The following SYNE1 variants were observed in gnomAD, a reference collection of about 807,000 sequenced individuals.
SYNE1 encodes spectrin repeat containing nuclear envelope protein 1.
SYNE1 carries 616 observed loss-of-function variants against 1,111.0 expected under a neutral mutation model. The observed-to-expected ratio is 0.55, with a 90% CI of 0.52 to 0.59. The LOEUF (loss-of-function observed/expected upper bound fraction) is 0.59, where lower values mean the gene tolerates loss of function less well. Ranked by LOEUF, SYNE1 falls within the 20% of genes least tolerant of loss-of-function variation. The pLI, the probability that SYNE1 is intolerant of heterozygous loss-of-function variation, is 0.00. For synonymous variants in SYNE1, 3,855 were observed against 3,825.8 expected (o/e 1.01, Z -0.28); for missense variants, 10,006 against 10,417.0 (o/e 0.96, Z 1.72).
Position 152,331,755 on chromosome 6 carries a change from G to C in SYNE1, c.12930C>G (p.Asp4310Glu), listed in dbSNP as rs760209358. 1 of 1,613,978 alleles carries C rather than the reference G, an allele frequency of 6.2e-7. No individual in the cohort carries two copies. The highest frequency in any genetic ancestry group is 1.3e-5 in the African/African-American group (1 of 74,870). Residue 4310 changes from aspartate to glutamate, a missense_variant, in exon 78 of 146, where the codon GAC becomes GAG. Transcript: ENST00000367255. ...TCGTCTGTTCTTTGACTAACTCCTT[G>C]TCATCTAAATTCAGATGCTCTATCA... is the stretch of plus-strand genomic sequence containing the variant. Reference protein sequence around the residue: ...QKMIEHLNLDDKELVKEQTSH... With the variant: ...QKMIEHLNLDEKELVKEQTSH...
chr6:152,533,417 T>C (rs1440089984), intron 4 of SYNE1, among the ~76,000 whole-genome samples: 1 of 152,172 alleles, frequency 6.6e-6, no homozygotes, highest in African/African-American at 2.4e-5. Context: ...TTTGTTTTAC[T>C]ATATAGTATA....
chr6:152,253,731 TG>T (rs1378564602), intron 104 of SYNE1, among the ~76,000 whole-genome samples: 1 of 150,710 alleles, frequency 6.6e-6, no homozygotes, highest in Non-Finnish European at 1.5e-5. Flanking sequence ...GTTTTAAGAA[TG>T]TAGACTACCA....
Position 152,262,980 on chromosome 6 carries a change from G to T in SYNE1, c.18816-792C>A, listed in dbSNP as rs557600905. On this transcript the variant is annotated intron_variant, in intron 100 of 145. Transcript: ENST00000367255. ...GGGAAGGTGATACAGGACATGGAGGGGTAATACAGGGTCTGGGAAGGTAGT... is the reference window on the plus strand; with the variant it reads ...GGGAAGGTGATACAGGACATGGAGGTGTAATACAGGGTCTGGGAAGGTAGT... 1.4e-4 allele frequency among the ~76,000 whole-genome samples: 21 copies of T among 149,894 alleles called. 1 individual carries two copies. The South Asian group carries it at 3.4e-3, about 24-fold the overall frequency.
rs763357839 is a variant in SYNE1, at chr6:152,330,629, A to G, written c.14056T>C (p.Ser4686Pro). 3 of 1,613,560 alleles carry G rather than the reference A, an allele frequency of 1.9e-6. No homozygotes were observed. In the Admixed American group the frequency reaches 5.0e-5, roughly 27 times the overall value. The change falls in exon 78 of 146, where the codon TCT becomes CCT. Residue 4686 changes from serine to proline, a missense_variant. By Grantham distance (74) the Ser-to-Pro change is moderately conservative (BLOSUM62 -1). Transcript: ENST00000367255. ...YASLIELTTQ[S>P]LSELEAQFLR... ...AATTGGGCTTCAAGTTCACTCAGAG[A>G]CTGGGTTGTCAACTCAATCAAGGAA...
At chr6:152,312,023 A>C (rs915134406) in intron 87 of SYNE1, among the ~76,000 whole-genome samples, 1 of 152,148 alleles carries the variant, frequency 6.6e-6, no homozygotes, top group African/African-American at 2.4e-5. Flanking sequence ...TGACCTCGTG[A>C]TCCGCAGGCC....
intron 55 of SYNE1, among the ~76,000 whole-genome samples, chr6:152,382,179 A>G (rs1315443736): frequency 6.6e-6 from 1 of 152,208 alleles, no homozygotes; most frequent in Non-Finnish European, 1.5e-5. Context: ...TCTTGGTGAA[A>G]TAATCATCCG....
chr6:152,598,926 G>A (rs2099589361), intron 3 of SYNE1, among the ~76,000 whole-genome samples: 2 of 152,166 alleles, frequency 1.3e-5, no homozygotes, highest in East Asian at 3.8e-4. Context: ...GTCACAGAGA[G>A]AAGCCTAATA....
intron 3 of SYNE1, among the ~76,000 whole-genome samples, chr6:152,551,852 C>A (rs563473505): frequency 6.6e-6 from 1 of 152,176 alleles, no homozygotes; most frequent in African/African-American, 2.4e-5. Context: ...CACACAGAAG[C>A]CTTGAGAAGG....
At chr6:152,399,844 A>G (rs79428643) in intron 47 of SYNE1, 21 bp from the exon 48 acceptor site, 1 of 1,607,484 alleles carries the variant, frequency 6.2e-7, no homozygotes, top group Non-Finnish European at 8.5e-7. Flanking sequence ...AAAGTATATT[A>G]TGAAGGATAT....
chr6:152,378,753 C>T (rs1316611387), intron 56 of SYNE1, among the ~76,000 whole-genome samples: 2 of 152,180 alleles, frequency 1.3e-5, no homozygotes, highest in Non-Finnish European at 2.9e-5. Context: ...TGCCCTCCTT[C>T]CCACCTCTTC....
chr6:152,263,447 C>G (rs2092319692), intron 100 of SYNE1, among the ~76,000 whole-genome samples: 1 of 151,498 alleles, frequency 6.6e-6, no homozygotes, highest in Admixed American at 6.6e-5. Context: ...CTGGTGTGGA[C>G]TCGTGTGATC....
chr6:152,141,149 G>A (rs1393261091), intron 139 of SYNE1, 54 bp downstream of exon 139: 1 of 1,613,112 alleles, frequency 6.2e-7, no homozygotes, highest in Non-Finnish European at 8.5e-7. Flanking sequence ...TGTTAACAAA[G>A]TGCTTCAGGA....
At chr6:152,500,785 T>TA (rs2099025283) in intron 10 of SYNE1, among the ~76,000 whole-genome samples, 1 of 151,610 alleles carries the variant, frequency 6.6e-6, no homozygotes, top group South Asian at 2.1e-4. Flanking sequence ...CCGTCTCCAC[T>TA]AAAAAATACA....
At position 152,465,319 on chromosome 6, in the gene SYNE1, C is replaced by A. The variant is rs775660836; in HGVS notation, c.1871G>T (p.Ser624Ile). 3.7e-6 allele frequency: 6 copies of A among 1,613,430 alleles called. No individual in the cohort carries two copies. Among genetic ancestry groups the A allele is most frequent in the Non-Finnish European group, 3.4e-6 (4 of 1,179,794 alleles). Reference sequence around the variant, plus strand: ...AGCATCCTCTAGCCAGGCTTGCAGACTAGCCACTGTATTGCCATAGCGATC... The same window carrying A: ...AGCATCCTCTAGCCAGGCTTGCAGAATAGCCACTGTATTGCCATAGCGATC... ...NWDRYGNTVA[S>I]LQAWLEDAEK... Residue 624 changes from serine to isoleucine, a missense_variant, in exon 18 of 146, where the codon AGT becomes ATT. Physicochemically the swap from Ser to Ile is moderately radical, Grantham distance 142 (BLOSUM62 -2). Around this residue, in one of 7 missense-constraint regions of SYNE1, gnomAD observed 1,971 missense variants for 2,084.1 expected, o/e 0.95. Transcript: ENST00000367255.
At position 152,510,371 on chromosome 6, in the gene SYNE1, T is replaced by C. The variant is rs1394884388; in HGVS notation, c.403A>G (p.Ile135Val). The change falls in exon 8 of 146, where the codon ATT becomes GTT. Residue 135 changes from isoleucine to valine, a missense_variant and splice_region_variant. By Grantham distance (29) the Ile-to-Val change is conservative. Around this residue, in one of 7 missense-constraint regions of SYNE1, gnomAD observed 1,971 missense variants for 2,084.1 expected, o/e 0.95. Transcript: ENST00000367255. Reference protein sequence around the residue: ...LMWTIILYFQIEELTSNLPQL... With the variant: ...LMWTIILYFQVEELTSNLPQL... ...GGCAGGTTGCTGGTCAACTCTTCAA[T>C]CTGTTTGTGAGTTAACAGCCAGCAA... 6.2e-7 allele frequency: 1 copy of C among 1,613,814 alleles called. No homozygotes were observed. The highest frequency in any genetic ancestry group is 1.1e-5 in the South Asian group (1 of 91,062).
chr6:152,359,703 C>G (rs963772784), intron 64 of SYNE1, among the ~76,000 whole-genome samples: 5 of 151,756 alleles, frequency 3.3e-5, no homozygotes, highest in Non-Finnish European at 7.4e-5. Flanking sequence ...TACCAATTAA[C>G]TACTTTATAT....
chr6:152,520,365 T>G (rs1594569147), intron 6 of SYNE1, 94 bp downstream of exon 6: 1 of 1,147,860 alleles, frequency 8.7e-7, no homozygotes, highest in Non-Finnish European at 1.3e-6. Flanking sequence ...TTACATGCCA[T>G]CCTCCTATCT....
chr6:152,218,115 C>G, intron 121 of SYNE1, 142 bp downstream of exon 121: 1 of 963,696 alleles, frequency 1.0e-6, no homozygotes, highest in Non-Finnish European at 1.6e-6. Flanking sequence ...TCGCTTGAAC[C>G]CGGAAAGCAG....
intron 101 of SYNE1, among the ~76,000 whole-genome samples, chr6:152,258,709 T>C (rs975912695): frequency 6.6e-6 from 1 of 152,026 alleles, no homozygotes; most frequent in Non-Finnish European, 1.5e-5. Context: ...TTGACCATGT[T>C]TTCAATCAAA....
Sources: gnomAD v4.1 joint callset for allele counts (sites outside exome capture counted in the v4.1 genomes callset) on GRCh38, gnomAD v4.1.1 for gene constraint, gnomAD v4.1.1 regional missense constraint, MANE v1.5 for transcripts, NCBI Gene and HGNC (gene_info 2026-07-23, HGNC 2026-07-21) for gene names.